Variants in PDZRN4 observed in about 807,000 individuals in gnomAD.
PDZRN4 encodes the protein PDZ domain-containing RING finger protein 4.
PDZRN4 carries 70 observed loss-of-function variants against 99.0 expected under a neutral mutation model. The observed-to-expected ratio is 0.71, with a 90% CI of 0.58 to 0.86. The LOEUF (loss-of-function observed/expected upper bound fraction) is 0.86. Among genes scored for constraint, PDZRN4 ranks in the 40% least tolerant of loss-of-function variants. PDZRN4 has a pLI of 0.00. For missense variants in PDZRN4, 1,474 were observed against 1,331.2 expected, an observed-to-expected ratio of 1.11 and a Z score of -1.67; for synonymous variants, 551 against 501.6, an observed-to-expected ratio of 1.10 and a Z score of -1.32.
At chr12:41,484,316 A>C (rs143582685) in intron 3 of PDZRN4, among the ~76,000 whole-genome samples, 1 of 152,224 alleles carries the variant, frequency 6.6e-6, no homozygotes, top group Non-Finnish European at 1.5e-5. Context: ...GATTGAAAAC[A>C]TTATTTATGT....
At chr12:41,372,611 A>C (rs1460360363) in intron 3 of PDZRN4, among the ~76,000 whole-genome samples, 3 of 152,152 alleles carry the variant, frequency 2.0e-5, no homozygotes, top group South Asian at 4.1e-4. Context: ...ACGTACAGGG[A>C]ATAGCATTTT....
intron 9 of PDZRN4, 35 bp downstream of exon 9, chr12:41,567,934 T>A (rs368665426): frequency 8.2e-7 from 1 of 1,219,410 alleles, no homozygotes; most frequent in African/African-American, 1.5e-5. Context: ...TCATTTGATA[T>A]GTTGCTTGTT....
intron 2 of PDZRN4, among the ~76,000 whole-genome samples, chr12:41,191,776 A>G (rs1313265920): frequency 2.2e-4 from 4 of 18,468 alleles, no homozygotes. Context: ...TTATTTATTT[A>G]TTTATTTATT....
chr12:41,383,661 G>C (rs1389997816), intron 3 of PDZRN4, among the ~76,000 whole-genome samples: 1 of 152,054 alleles, frequency 6.6e-6, no homozygotes, highest in Non-Finnish European at 1.5e-5. Context: ...TTGTATGTTT[G>C]TATTGTAATA....
intron 3 of PDZRN4, among the ~76,000 whole-genome samples, chr12:41,320,843 A>G (rs561051472): frequency 6.6e-6 from 1 of 152,222 alleles, no homozygotes; most frequent in South Asian, 2.1e-4. Flanking sequence ...TTATAACTAT[A>G]AAAATTTCAA....
intron 3 of PDZRN4, among the ~76,000 whole-genome samples, chr12:41,332,970 C>T (rs1490841838): frequency 1.3e-5 from 2 of 152,076 alleles, no homozygotes; most frequent in African/African-American, 4.8e-5. Flanking sequence ...GTAAGAACTA[C>T]TGACACTATC....
intron 5 of PDZRN4, among the ~76,000 whole-genome samples, chr12:41,518,486 G>A (rs35753665): frequency 0.12 from 17,539 of 151,934 alleles, 1,143 homozygotes; most frequent in South Asian, 0.22. Context: ...TTATGCATAA[G>A]TCTTTGTCTG....
chr12:41,308,480 T>C (rs1052102865), intron 3 of PDZRN4, among the ~76,000 whole-genome samples: 1 of 152,062 alleles, frequency 6.6e-6, no homozygotes, highest in Non-Finnish European at 1.5e-5. Context: ...AAAAAGTGAG[T>C]CAGTTGGAAA....
intron 3 of PDZRN4, among the ~76,000 whole-genome samples, chr12:41,201,406 T>C (rs1217347427): frequency 1.3e-5 from 2 of 152,074 alleles, no homozygotes; most frequent in African/African-American, 4.8e-5. Context: ...CTCACTTTCA[T>C]AGCATTTTCT....
chr12:41,548,634 T>C (rs983561650), intron 5 of PDZRN4, among the ~76,000 whole-genome samples: 1 of 152,178 alleles, frequency 6.6e-6, no homozygotes, highest in African/African-American at 2.4e-5. Context: ...ATGGCATGCA[T>C]GGGCCTAAGG....
intron 3 of PDZRN4, among the ~76,000 whole-genome samples, chr12:41,358,153 G>A (rs897808886): frequency 6.6e-5 from 10 of 152,034 alleles, no homozygotes; most frequent in African/African-American, 2.4e-4. Flanking sequence ...TGTTCCCTTA[G>A]TAGGAATTGA....
At chr12:41,450,305 A>T (rs1952764152) in intron 3 of PDZRN4, among the ~76,000 whole-genome samples, 1 of 152,200 alleles carries the variant, frequency 6.6e-6, no homozygotes, top group East Asian at 1.9e-4. Context: ...GCCCAATATC[A>T]GTTAAGCTTT....
chr12:41,513,161 A>AT (rs1365895858), intron 5 of PDZRN4, among the ~76,000 whole-genome samples: 1 of 152,086 alleles, frequency 6.6e-6, no homozygotes, highest in Non-Finnish European at 1.5e-5. Flanking sequence ...ATACATATTT[A>AT]GGGACTTTTA....
intron 3 of PDZRN4, among the ~76,000 whole-genome samples, chr12:41,270,308 T>TG (rs1304897419): frequency 4.1e-5 from 6 of 146,650 alleles, no homozygotes; most frequent in Non-Finnish European, 6.0e-5. Context: ...TGTCTGTGTG[T>TG]GTGGTGTGTG....
intron 3 of PDZRN4, among the ~76,000 whole-genome samples, chr12:41,350,572 C>T (rs1299049632): frequency 2.0e-5 from 3 of 151,906 alleles, no homozygotes; most frequent in Non-Finnish European, 2.9e-5. Flanking sequence ...CAAATAGAAA[C>T]GCATTCTCAA....
intron 3 of PDZRN4, among the ~76,000 whole-genome samples, chr12:41,253,805 C>CA (rs974756801): frequency 6.6e-6 from 1 of 152,008 alleles, no homozygotes; most frequent in Non-Finnish European, 1.5e-5. Flanking sequence ...TATTCAGCCA[C>CA]AAAAAGAATG....
intron 3 of PDZRN4, among the ~76,000 whole-genome samples, chr12:41,325,598 A>T (rs1056958809): frequency 6.6e-6 from 1 of 152,146 alleles, no homozygotes; most frequent in African/African-American, 2.4e-5. Flanking sequence ...GCCCTTCTAG[A>T]GAAGGTCAGC....
intron 5 of PDZRN4, among the ~76,000 whole-genome samples, chr12:41,521,141 CT>C (rs1248590418): frequency 1.3e-5 from 2 of 152,072 alleles, no homozygotes; most frequent in Non-Finnish European, 2.9e-5. Flanking sequence ...TTTGCCTGTG[CT>C]TTCATTTCAT....
At chr12:41,564,218 G>T (rs1431145320) in intron 8 of PDZRN4, among the ~76,000 whole-genome samples, 2 of 152,140 alleles carry the variant, frequency 1.3e-5, no homozygotes, top group Admixed American at 1.3e-4. Context: ...GCATGATCTG[G>T]TTCCATGTAT....
Sources: allele counts gnomAD v4.1 joint callset (sites outside exome capture counted in the v4.1 genomes callset), GRCh38; gene constraint gnomAD v4.1.1; transcripts MANE v1.5; gene names NCBI Gene and HGNC (gene_info 2026-07-23, HGNC 2026-07-21).